Variants in GNA12 observed in about 807,000 individuals in gnomAD.
GNA12 encodes the protein G protein subunit alpha 12.
GNA12 carries 9 observed loss-of-function variants against 26.0 expected under a neutral mutation model. The ratio of observed to expected loss-of-function variants is 0.35; its 90% CI spans 0.21 to 0.60. The LOEUF is 0.60. GNA12 is among the 20% of genes least tolerant of loss of function. GNA12 has a pLI of 0.78. For missense variants in GNA12, 405 were observed against 525.8 expected, an observed-to-expected ratio of 0.77 and a Z score of 2.25; for synonymous variants, 264 against 219.6, an observed-to-expected ratio of 1.20 and a Z score of -1.79.
intron 2 of GNA12, among the ~76,000 whole-genome samples, chr7:2,787,691 T>C (rs1187100118): frequency 1.3e-5 from 2 of 152,234 alleles, no homozygotes; most frequent in South Asian, 4.1e-4. Context: ...GCTCAGATTC[T>C]TGACACTGGC....
intron 2 of GNA12, chr7:2,763,120 C>G (rs748316585): frequency 4.8e-6 from 6 of 1,240,432 alleles, no homozygotes; most frequent in Non-Finnish European, 6.0e-6. Context: ...AGTCATCTTC[C>G]TCTCTCTTCT....
chr7:2,741,793 A>G (rs531963768), intron 2 of GNA12, among the ~76,000 whole-genome samples: 2 of 151,586 alleles, frequency 1.3e-5, no homozygotes, highest in East Asian at 1.9e-4. Context: ...CTGCTTCTAC[A>G]ACCACGGCAA....
intron 1 of GNA12, chr7:2,835,532 G>C (rs898515271): frequency 4.2e-6 from 2 of 477,026 alleles, no homozygotes; most frequent in South Asian, 2.6e-5. Flanking sequence ...AGACAGGGTT[G>C]TATTTGCCAG....
intron 2 of GNA12, among the ~76,000 whole-genome samples, chr7:2,780,249 T>C (rs1241007210): frequency 6.6e-6 from 1 of 151,668 alleles, no homozygotes; most frequent in Non-Finnish European, 1.5e-5. Flanking sequence ...TGGTCAGTAT[T>C]CCAGTTTAGT....
In GNA12 at chr7:2,834,755, C is replaced by T. The variant is rs117623837; in HGVS notation, c.309+9098G>A. ...CTATGTTTAGATACATAAATGCTTG[C>T]CATTGTGCTACAATGGCCCACAGTA... is the stretch of plus-strand genomic sequence containing the variant. On this transcript the variant is annotated intron_variant, in intron 1 of 3. Transcript: ENST00000275364. Among the ~76,000 whole-genome samples the T allele has an allele frequency of 9.3e-3, 1,419 of 152,272 alleles. 10 individuals are homozygous for T. Among genetic ancestry groups the T allele is most frequent in the Middle Eastern group, 0.071 (21 of 294 alleles).
At chr7:2,831,241 A>T (rs1475102922) in intron 1 of GNA12, among the ~76,000 whole-genome samples, 1 of 151,836 alleles carries the variant, frequency 6.6e-6, no homozygotes, top group Non-Finnish European at 1.5e-5. Context: ...CTATTTCTCA[A>T]TTCTGACCAG....
intron 1 of GNA12, among the ~76,000 whole-genome samples, chr7:2,817,830 G>A (rs1378944745): frequency 6.6e-6 from 1 of 152,144 alleles, no homozygotes; most frequent in Admixed American, 6.5e-5. Context: ...TCTATTAATT[G>A]TGAATAAGGA....
chr7:2,771,737 CAT>C lies in GNA12; in HGVS notation c.525+23189_525+23190del, dbSNP rs577508912. On this transcript the variant is annotated intron_variant, in intron 2 of 3. Transcript: ENST00000275364. ...GTTCCCAATGTTCAGCTGCCATAAA[CAT>C]GTGTGTGCAAGTCTTTGTGTGGACA... Among the ~76,000 whole-genome samples the C allele has an allele frequency of 6.2e-3, 951 of 152,320 alleles. 6 individuals are homozygous for C. Among genetic ancestry groups the C allele is most frequent in the African/African-American group, 0.022 (902 of 41,566 alleles).
At chr7:2,827,549 G>A (rs1793512835) in intron 1 of GNA12, among the ~76,000 whole-genome samples, 1 of 152,144 alleles carries the variant, frequency 6.6e-6, no homozygotes, top group Non-Finnish European at 1.5e-5. Context: ...CAAACTGACT[G>A]GAAGGGAACC....
chr7:2,798,338 G>A lies in GNA12; in HGVS notation c.310-3195C>T, dbSNP rs374761110. Among the ~76,000 whole-genome samples the A allele has an allele frequency of 2.0e-5, 3 of 152,208 alleles. No homozygotes were observed. The South Asian group carries it at 6.2e-4, about 32-fold the overall frequency. On this transcript the variant is annotated intron_variant, in intron 1 of 3. Transcript: ENST00000275364. ...ATAAACAAATGAATCCAGAATAGTTGCAGGATATAATGTCAACACACGAAA... is the reference window on the plus strand; with the variant it reads ...ATAAACAAATGAATCCAGAATAGTTACAGGATATAATGTCAACACACGAAA...
At chr7:2,737,239 C>A (rs1790228391) in intron 2 of GNA12, among the ~76,000 whole-genome samples, 2 of 139,190 alleles carry the variant, frequency 1.4e-5, no homozygotes, top group South Asian at 4.6e-4. Flanking sequence ...TAAACCCTAT[C>A]TGCCCATTCA....
intron 2 of GNA12, among the ~76,000 whole-genome samples, chr7:2,786,428 T>C (rs973982754): frequency 1.3e-5 from 2 of 152,132 alleles, no homozygotes; most frequent in African/African-American, 2.4e-5. Flanking sequence ...AGAATGTCAA[T>C]AGCCAACTAA....
intron 2 of GNA12, among the ~76,000 whole-genome samples, chr7:2,777,970 C>A (rs1427810506): frequency 1.3e-5 from 2 of 152,216 alleles, no homozygotes; most frequent in Admixed American, 6.5e-5. Context: ...CTTCCAACTT[C>A]AGAAGAGGAG....
At chr7:2,740,592 A>G (rs947027230) in intron 2 of GNA12, among the ~76,000 whole-genome samples, 1 of 152,236 alleles carries the variant, frequency 6.6e-6, no homozygotes, top group African/African-American at 2.4e-5. Context: ...GACAAATATA[A>G]TTATGAACTT....
chr7:2,797,618 C>T (rs539749735), intron 1 of GNA12, among the ~76,000 whole-genome samples: 130 of 152,306 alleles, frequency 8.5e-4, no homozygotes, highest in African/African-American at 3.1e-3. Context: ...TCCTTCATCT[C>T]TCTCCTGCAG....
intron 2 of GNA12, among the ~76,000 whole-genome samples, chr7:2,740,159 G>C (rs1388616496): frequency 1.3e-5 from 2 of 152,104 alleles, no homozygotes; most frequent in Admixed American, 6.5e-5. Flanking sequence ...TGGCACTCCA[G>C]TGTGATCTTT....
intron 2 of GNA12, among the ~76,000 whole-genome samples, chr7:2,766,948 T>C (rs536284518): frequency 1.3e-5 from 2 of 152,354 alleles, no homozygotes; most frequent in African/African-American, 4.8e-5. Context: ...TGTGTGGTAG[T>C]ATCTCATTGT....
intron 2 of GNA12, among the ~76,000 whole-genome samples, chr7:2,777,333 T>A: frequency 6.6e-6 from 1 of 152,226 alleles, no homozygotes; most frequent in East Asian, 1.9e-4. Flanking sequence ...AAACAAGAGA[T>A]GATATTGTCT....
chr7:2,770,612 G>A (rs1008197012), intron 2 of GNA12, among the ~76,000 whole-genome samples: 1 of 151,828 alleles, frequency 6.6e-6, no homozygotes, highest in Non-Finnish European at 1.5e-5. Flanking sequence ...CTCCAGCCTG[G>A]GCCACATAGT....
Sources: gnomAD v4.1 joint callset for allele counts (sites outside exome capture counted in the v4.1 genomes callset) on GRCh38, gnomAD v4.1.1 for gene constraint, MANE v1.5 for transcripts, NCBI Gene and HGNC (gene_info 2026-07-23, HGNC 2026-07-21) for gene names.